The following KDM4C variants were observed in gnomAD, a reference collection of about 807,000 sequenced individuals.
The protein encoded by KDM4C is lysine-specific demethylase 4C.
In KDM4C, 81 loss-of-function variants were observed where a neutral mutation model predicts 129.3. The observed-to-expected ratio is 0.63, with a 90% CI of 0.52 to 0.75. The LOEUF is 0.75. Ranked by LOEUF, KDM4C falls within the 30% of genes least tolerant of loss-of-function variation. The pLI is 0.00. For synonymous variants in KDM4C, 573 were observed against 456.1 expected, an observed-to-expected ratio of 1.26 and a Z score of -3.26; for missense variants, 1,457 against 1,304.0, an observed-to-expected ratio of 1.12 and a Z score of -1.81.
intron 8 of KDM4C, among the ~76,000 whole-genome samples, chr9:6,964,238 C>T (rs918783228): frequency 2.7e-4 from 40 of 146,576 alleles, no homozygotes; most frequent in Non-Finnish European, 3.8e-4. Flanking sequence ...ATCCCTCCCC[C>T]CTCCCCTGAC....
intron 6 of KDM4C, among the ~76,000 whole-genome samples, chr9:6,880,673 G>A (rs1321554332): frequency 6.6e-6 from 1 of 152,088 alleles, no homozygotes; most frequent in Non-Finnish European, 1.5e-5. Flanking sequence ...ATTTTTCATG[G>A]CCTGCTGCTT....
intron 12 of KDM4C, among the ~76,000 whole-genome samples, chr9:7,009,515 T>C (rs1822296349): frequency 6.6e-6 from 1 of 152,184 alleles, no homozygotes; most frequent in African/African-American, 2.4e-5. Context: ...AAAGGTGTTA[T>C]TAAGAGAAAC....
intron 1 of KDM4C, among the ~76,000 whole-genome samples, chr9:6,773,256 C>A (rs1822272645): frequency 6.6e-6 from 1 of 152,170 alleles, no homozygotes; most frequent in South Asian, 2.1e-4. Flanking sequence ...CCTGCCTCAG[C>A]CTTCCATTGT....
intron 21 of KDM4C, chr9:7,170,807 G>A (rs559116480): frequency 1.0e-6 from 1 of 976,150 alleles, no homozygotes; most frequent in Admixed American, 6.2e-5. Flanking sequence ...AAAACCAAGG[G>A]TTTTCTTAAA....
intron 4 of KDM4C, among the ~76,000 whole-genome samples, chr9:6,826,378 T>A (rs1353121484): frequency 6.6e-6 from 1 of 152,130 alleles, no homozygotes; most frequent in Non-Finnish European, 1.5e-5. Context: ...TCATTCATAA[T>A]CCTGGCATTC....
intron 4 of KDM4C, among the ~76,000 whole-genome samples, chr9:6,843,847 A>G (rs1837399808): frequency 1.3e-5 from 2 of 152,122 alleles, no homozygotes. Flanking sequence ...GTAATATTTG[A>G]TGGACATGCC....
At chr9:6,824,968 A>AC (rs1292898158) in intron 4 of KDM4C, among the ~76,000 whole-genome samples, 1 of 151,940 alleles carries the variant, frequency 6.6e-6, no homozygotes, top group African/African-American at 2.4e-5. Context: ...ACATGGTGAA[A>AC]CCCCATCTCT....
At chr9:7,107,750 G>T (rs771658821) in intron 18 of KDM4C, among the ~76,000 whole-genome samples, 1 of 152,210 alleles carries the variant, frequency 6.6e-6, no homozygotes, top group African/African-American at 2.4e-5. Context: ...AAGAGAGGAA[G>T]AACTTTTATA....
intron 15 of KDM4C, among the ~76,000 whole-genome samples, chr9:7,033,977 T>C (rs556471698): frequency 6.6e-6 from 1 of 151,970 alleles, no homozygotes; most frequent in Admixed American, 6.6e-5. Context: ...TGGCAAAAAT[T>C]AATTCAGTGA....
chr9:6,728,987 C>T (rs1473090367), intron 1 of KDM4C, among the ~76,000 whole-genome samples: 3 of 151,788 alleles, frequency 2.0e-5, no homozygotes, highest in Admixed American at 1.3e-4. Context: ...GGATGGATCA[C>T]GAGGTCAGGA....
intron 5 of KDM4C, among the ~76,000 whole-genome samples, chr9:6,876,243 C>T (rs911279646): frequency 6.6e-6 from 1 of 152,176 alleles, no homozygotes; most frequent in Non-Finnish European, 1.5e-5. Context: ...ATCATTTACC[C>T]TTGATCTTAG....
At position 7,170,327 on chromosome 9, in the gene KDM4C, C is replaced by T. The variant is rs1844834190; in HGVS notation, c.2994+437C>T. 4 of 1,020,604 alleles carry T rather than the reference C, an allele frequency of 3.9e-6. No homozygotes were observed. In the South Asian group the frequency reaches 1.1e-4, roughly 29 times the overall value. 63.2% of individuals were successfully genotyped at this position (1,020,604 alleles called of 1,614,324 possible). On this transcript the variant is annotated intron_variant, in intron 21 of 21. Coordinates refer to ENST00000381309, the MANE Select transcript of KDM4C (RefSeq NM_015061.6). Reference sequence around the variant, plus strand: ...TTATAGGTTTTTCATGGATTGACTACCTTCTGTCTCAGAAAGTTACTGATG... The same window carrying T: ...TTATAGGTTTTTCATGGATTGACTATCTTCTGTCTCAGAAAGTTACTGATG...
At chr9:6,788,279 G>GT (rs1825873349) in intron 1 of KDM4C, among the ~76,000 whole-genome samples, 2 of 152,176 alleles carry the variant, frequency 1.3e-5, no homozygotes, top group South Asian at 4.1e-4. Context: ...CTGCCCAGCA[G>GT]TTAGGCATAC....
intron 17 of KDM4C, among the ~76,000 whole-genome samples, chr9:7,098,054 CTG>C (rs1386542793): frequency 2.0e-5 from 3 of 152,250 alleles, no homozygotes; most frequent in Admixed American, 6.5e-5. Context: ...CAAAGTATGA[CTG>C]TGCTGTTGGT....
intron 19 of KDM4C, among the ~76,000 whole-genome samples, chr9:7,131,739 G>A (rs574131531): frequency 6.6e-6 from 1 of 152,066 alleles, no homozygotes; most frequent in Non-Finnish European, 1.5e-5. Context: ...TACCCTAATG[G>A]AAAGTTTCAT....
intron 1 of KDM4C, among the ~76,000 whole-genome samples, chr9:6,743,841 A>G (rs1350322584): frequency 1.3e-5 from 2 of 151,884 alleles, no homozygotes; most frequent in Non-Finnish European, 2.9e-5. Flanking sequence ...ATCTGCAGCT[A>G]GTCAAATTCA....
intron 8 of KDM4C, among the ~76,000 whole-genome samples, chr9:6,975,385 C>T (rs1832747738): frequency 6.6e-6 from 1 of 152,060 alleles, no homozygotes; most frequent in Admixed American, 6.6e-5. Flanking sequence ...AAAAATGTGG[C>T]CATTTAAATG....
chr9:6,800,178 G>C (rs1411316401), intron 2 of KDM4C, among the ~76,000 whole-genome samples: 4 of 152,092 alleles, frequency 2.6e-5, no homozygotes, highest in African/African-American at 9.7e-5. Context: ...GACCAACCTG[G>C]ACAAATGGTG....
At chr9:6,837,021 A>G (rs958377378) in intron 4 of KDM4C, among the ~76,000 whole-genome samples, 2 of 152,252 alleles carry the variant, frequency 1.3e-5, no homozygotes, top group African/African-American at 4.8e-5. Context: ...TTGCTTTTCT[A>G]AGAGTTTGTA....
Sources: allele counts gnomAD v4.1 joint callset (sites outside exome capture counted in the v4.1 genomes callset), GRCh38; gene constraint gnomAD v4.1.1; transcripts MANE v1.5; gene names NCBI Gene and HGNC (gene_info 2026-07-23, HGNC 2026-07-21).